Variants in MED13L observed in about 807,000 individuals in gnomAD.
MED13L encodes mediator complex subunit 13L.
A neutral mutation model predicts 220.9 loss-of-function variants in MED13L; 7 were observed. The ratio of observed to expected loss-of-function variants is 0.03; its 90% CI spans 0.02 to 0.06. MED13L has a LOEUF of 0.06. Among genes scored for constraint, MED13L ranks in the 10% least tolerant of loss-of-function variants. The probability of loss-of-function intolerance (pLI) is 1.00; values close to 1 mark genes in which losing one functional copy is unlikely to be tolerated. For missense variants in MED13L, 1,965 were observed against 2,760.5 expected, an observed-to-expected ratio of 0.71 and a Z score of 6.46; for synonymous variants, 1,011 against 1,015.2, an observed-to-expected ratio of 1.00 and a Z score of 0.08.
In MED13L at chr12:115,990,224, T is replaced by C. The variant is rs139090686; in HGVS notation, c.3934+796A>G. ...CTCATCATTGAGATCTCTGAGCAAA[T>C]GTTACTACTTCTACAACGAAGTCTT... On this transcript the variant is annotated intron_variant, in intron 17 of 30. Transcript: ENST00000281928. Among the ~76,000 whole-genome samples the C allele has an allele frequency of 2.1e-4, 32 of 152,320 alleles. No homozygotes were observed. In the East Asian group the frequency reaches 6.2e-3, roughly 29 times the overall value.
rs904926548 is a variant in MED13L at position 115,968,065 on chromosome 12, C to G, written c.6225+875G>C. ...CTGGGAATAAAAGTCCCCCCCCCCC[C>G]CCGATGAAAACTGAAGTCCTTTATG... On this transcript the variant is annotated intron_variant, in intron 28 of 30. Transcript: ENST00000281928. Among the ~76,000 whole-genome samples the G allele has an allele frequency of 2.8e-4, 39 of 138,406 alleles. 2 individuals carry two copies. Among genetic ancestry groups the G allele is most frequent in the Admixed American group, 1.0e-3 (14 of 14,004 alleles). The allele number at this position is 138,406 out of a possible 152,430, so 90.8% of individuals were successfully genotyped here. A position where few individuals can be genotyped will look rare whatever the true frequency, so the allele number is the denominator to read the frequency against.
intron 2 of MED13L, among the ~76,000 whole-genome samples, chr12:116,148,321 G>A (rs1178601713): frequency 6.6e-6 from 1 of 151,386 alleles, no homozygotes; most frequent in East Asian, 1.9e-4. Context: ...CATTTTTGTG[G>A]AACTACACAA....
intron 4 of MED13L, among the ~76,000 whole-genome samples, chr12:116,037,379 G>T (rs1881254382): frequency 6.6e-6 from 1 of 152,030 alleles, no homozygotes; most frequent in East Asian, 1.9e-4. Flanking sequence ...TAACCTTCAG[G>T]CTGTATGTAC....
At chr12:116,099,315 C>T (rs1263254565) in intron 3 of MED13L, among the ~76,000 whole-genome samples, 4 of 152,124 alleles carry the variant, frequency 2.6e-5, no homozygotes, top group African/African-American at 7.2e-5. Context: ...GTCTATTTAA[C>T]GTGATAATGC....
In MED13L at chr12:115,961,080, C is replaced by G; in HGVS notation, c.*186G>C. On this transcript the variant is annotated 3_prime_UTR_variant, in exon 31 of 31. Coordinates refer to ENST00000281928, the MANE Select transcript of MED13L (RefSeq NM_015335.5). ...GTTTCCAGGTCCATGAGAGAAGTGT[C>G]AAGGAGTCACTCTGGTAATGAACAC... The G allele has an allele frequency of 1.3e-6, 1 of 792,800 alleles. No homozygotes were observed. The allele number at this position is 792,800 out of a possible 1,614,324, so 49.1% of individuals were successfully genotyped here. A position where few individuals can be genotyped will look rare whatever the true frequency, so the allele number is the denominator to read the frequency against.
rs74921477 is a variant in MED13L at position 116,131,048 on chromosome 12, T to C, written c.311-19536A>G. Among the ~76,000 whole-genome samples the C allele has an allele frequency of 7.5e-3, 1,139 of 152,268 alleles. 22 individuals carry two copies. The highest frequency in any genetic ancestry group is 0.026 in the African/African-American group (1,066 of 41,560). On this transcript the variant is annotated intron_variant, in intron 2 of 30. Coordinates refer to ENST00000281928, the MANE Select transcript of MED13L (RefSeq NM_015335.5). ...TACATGTATATTTTAAAAGTATACA[T>C]TGTGGGCTTGGTTTTCAGGCTTCAC... is the stretch of plus-strand genomic sequence containing the variant.
intron 2 of MED13L, among the ~76,000 whole-genome samples, chr12:116,235,003 T>C (rs1375310441): frequency 6.6e-6 from 1 of 152,150 alleles, no homozygotes; most frequent in East Asian, 1.9e-4. Context: ...TCAAATATAT[T>C]AGAGAATGAA....
intron 2 of MED13L, among the ~76,000 whole-genome samples, chr12:116,119,106 CTATCAT>C (rs1874783228): frequency 6.6e-6 from 1 of 152,136 alleles, no homozygotes. Flanking sequence ...TTCATTATCA[CTATCAT>C]TAAGAGTCCT....
intron 1 of MED13L, among the ~76,000 whole-genome samples, chr12:116,246,076 C>T (rs1871072766): frequency 6.6e-6 from 1 of 152,002 alleles, no homozygotes; most frequent in South Asian, 2.1e-4. Flanking sequence ...AACAGCAATA[C>T]CACAAGCAAG....
intron 19 of MED13L, 44 bp from the exon 20 acceptor site, chr12:115,984,416 C>T (rs892039872): frequency 1.9e-6 from 3 of 1,601,318 alleles, no homozygotes; most frequent in African/African-American, 2.7e-5. Context: ...GGAGCCATTC[C>T]TTCATTCAGT....
chr12:115,993,922 G>A (rs1878234253), intron 16 of MED13L, among the ~76,000 whole-genome samples: 1 of 152,160 alleles, frequency 6.6e-6, no homozygotes, highest in South Asian at 2.1e-4. Context: ...TGATTGCAGG[G>A]GTATTGCATG....
At chr12:116,273,636 T>C (rs897362716) in intron 1 of MED13L, among the ~76,000 whole-genome samples, 1 of 152,224 alleles carries the variant, frequency 6.6e-6, no homozygotes, top group Non-Finnish European at 1.5e-5. Context: ...ATAGGAATTA[T>C]GTACTAATGG....
At chr12:116,123,694 G>C (rs538508833) in intron 2 of MED13L, among the ~76,000 whole-genome samples, 1 of 152,100 alleles carries the variant, frequency 6.6e-6, no homozygotes, top group South Asian at 2.1e-4. Context: ...AGTAATCCTT[G>C]CAGCTGTAAC....
chr12:116,217,472 C>T (rs182671796), intron 2 of MED13L, among the ~76,000 whole-genome samples: 93 of 152,282 alleles, frequency 6.1e-4, no homozygotes, highest in African/African-American at 2.2e-3. Flanking sequence ...TATCCATCTC[C>T]TCCCACACCC....
chr12:116,025,376 T>TGGTG (rs1251041566), intron 4 of MED13L, among the ~76,000 whole-genome samples: 1 of 152,240 alleles, frequency 6.6e-6, no homozygotes, highest in African/African-American at 2.4e-5. Context: ...ATCCCACCAC[T>TGGTG]GGTGATATAC....
At chr12:116,151,281 G>C (rs1348867700) in intron 2 of MED13L, among the ~76,000 whole-genome samples, 1 of 152,072 alleles carries the variant, frequency 6.6e-6, no homozygotes, top group African/African-American at 2.4e-5. Context: ...ATATATAATT[G>C]GTTGAGATCA....
chr12:116,160,817 C>T (rs778937642), intron 2 of MED13L, among the ~76,000 whole-genome samples: 3 of 151,398 alleles, frequency 2.0e-5, no homozygotes, highest in Non-Finnish European at 4.4e-5. Flanking sequence ...ATCCTCCTGC[C>T]TCAGCCTCCC....
chr12:115,972,864 A>C (rs1876683435), intron 25 of MED13L, among the ~76,000 whole-genome samples: 2 of 152,138 alleles, frequency 1.3e-5, no homozygotes, highest in Admixed American at 1.3e-4. Flanking sequence ...ACCTAACTGG[A>C]GCACTGTGGA....
rs150012868 is a variant in MED13L, at chr12:116,100,170, G to A, written c.396-3418C>T. ...AAGTATTTCCACATGGTTATAGGAG[G>A]AAATGAGAGAGAAGGTGTGCCTTTT... On this transcript the variant is annotated intron_variant, in intron 3 of 30. Transcript: ENST00000281928. 1.4e-3 allele frequency among the ~76,000 whole-genome samples: 218 copies of A among 152,240 alleles called. 4 individuals are homozygous for A. The highest frequency in any genetic ancestry group is 5.1e-4 in the Non-Finnish European group (35 of 68,012).
Sources: allele counts gnomAD v4.1 joint callset (sites outside exome capture counted in the v4.1 genomes callset), GRCh38; gene constraint gnomAD v4.1.1; transcripts MANE v1.5; gene names NCBI Gene and HGNC (gene_info 2026-07-23, HGNC 2026-07-21).